BNC2: variants seen among roughly 807,000 people sequenced by gnomAD.
BNC2 encodes basonuclin zinc finger protein 2, also known as zinc finger protein basonuclin-2.
BNC2 carries 20 observed loss-of-function variants against 76.3 expected under a neutral mutation model. That is an observed-to-expected ratio of 0.26 (90% CI 0.18 to 0.38). The LOEUF is 0.38. Ranked by LOEUF, BNC2 falls within the 10% of genes least tolerant of loss-of-function variation. The probability of loss-of-function intolerance (pLI) is 1.00; values close to 1 mark genes in which losing one functional copy is unlikely to be tolerated. For synonymous variants in BNC2, 582 were observed against 514.8 expected (o/e 1.13, Z -1.77); for missense variants, 1,382 against 1,399.8 (o/e 0.99, Z 0.20).
At position 16,506,714 on chromosome 9, in the gene BNC2, C is replaced by T. The variant is rs146939763; in HGVS notation, c.669+45816G>A. On this transcript the variant is annotated intron_variant, in intron 5 of 6. Transcript: ENST00000380672. ...CTAATTTTTGTATTTTTAGTTGAGA[C>T]GGGGTTTCACCATGTTGGCCAGGCT... is the stretch of plus-strand genomic sequence containing the variant. Among the ~76,000 whole-genome samples, 23 of 148,216 alleles carry T rather than the reference C, an allele frequency of 1.6e-4. No individual in the cohort carries two copies. In the East Asian group the frequency reaches 4.0e-3, roughly 26 times the overall value.
intron 1 of BNC2, among the ~76,000 whole-genome samples, chr9:16,750,229 G>A (rs1191681800): frequency 6.6e-6 from 1 of 152,196 alleles, no homozygotes; most frequent in Non-Finnish European, 1.5e-5. Context: ...AAAAAATGGT[G>A]AAGGTAGAAA....
intron 5 of BNC2, among the ~76,000 whole-genome samples, chr9:16,444,655 G>A (rs1215802543): frequency 2.0e-5 from 3 of 152,204 alleles, no homozygotes; most frequent in African/African-American, 4.8e-5. Flanking sequence ...ATGTGGGTTG[G>A]AAAGAGGTGG....
chr9:16,615,336 T>C (rs983972859), intron 3 of BNC2, among the ~76,000 whole-genome samples: 13 of 152,192 alleles, frequency 8.5e-5, no homozygotes, highest in Admixed American at 3.3e-4. Flanking sequence ...CCCCAAAATA[T>C]GGCACCTTGA....
chr9:16,527,273 G>T (rs1044010584), intron 5 of BNC2, among the ~76,000 whole-genome samples: 2 of 152,140 alleles, frequency 1.3e-5, no homozygotes, highest in Admixed American at 6.5e-5. Context: ...AACATCAGAG[G>T]ATGATGATGA....
Position 16,654,653 on chromosome 9 carries a change from C to T in BNC2, c.331-71568G>A, listed in dbSNP as rs1266883665. 2.6e-5 allele frequency among the ~76,000 whole-genome samples: 4 copies of T among 152,104 alleles called. No homozygotes were observed. In the East Asian group the frequency reaches 5.8e-4, roughly 22 times the overall value. On this transcript the variant is annotated intron_variant, in intron 3 of 6. Coordinates refer to ENST00000380672, the MANE Select transcript of BNC2 (RefSeq NM_017637.6). The stretch of plus-strand genomic sequence containing the variant: ...CAGTAAAATATTAACATATAGGTTG[C>T]TCAATTTGCTTTGGAACAATTTTAT...
Position 16,470,708 on chromosome 9 carries a change from C to T in BNC2, c.670-33184G>A, listed in dbSNP as rs116247146. On this transcript the variant is annotated intron_variant, in intron 5 of 6. Transcript: ENST00000380672. The stretch of plus-strand genomic sequence containing the variant: ...AGCAGCTTCTACATGGCGTTCTGTG[C>T]GCAGATGCACAGAAGTCAAGAATCG... Among the ~76,000 whole-genome samples, 5 of 152,306 alleles carry T rather than the reference C, an allele frequency of 3.3e-5. No individual in the cohort carries two copies. In the East Asian group the frequency reaches 5.8e-4, roughly 18 times the overall value.
intron 1 of BNC2, among the ~76,000 whole-genome samples, chr9:16,802,709 T>TC (rs1817813845): frequency 1.3e-5 from 2 of 152,188 alleles, no homozygotes; most frequent in Non-Finnish European, 2.9e-5. Context: ...GAACACACTA[T>TC]TTGAAATTCC....
intron 1 of BNC2, among the ~76,000 whole-genome samples, chr9:16,764,728 CTTAT>C (rs1424128687): frequency 1.3e-5 from 1 of 79,416 alleles, no homozygotes; most frequent in Non-Finnish European, 2.5e-5. Context: ...CATAACTTTA[CTTAT>C]TTGTCTGTTT....
intron 5 of BNC2, among the ~76,000 whole-genome samples, chr9:16,524,305 G>C (rs1242428825): frequency 6.6e-6 from 1 of 152,132 alleles, no homozygotes; most frequent in Non-Finnish European, 1.5e-5. Context: ...AGAGTGAATG[G>C]GGCTTCAGCT....
At chr9:16,676,580 G>C (rs1272703795) in intron 3 of BNC2, among the ~76,000 whole-genome samples, 2 of 152,218 alleles carry the variant, frequency 1.3e-5, no homozygotes, top group Non-Finnish European at 2.9e-5. Flanking sequence ...TTGGTATTGA[G>C]AGAGAATGCA....
intron 3 of BNC2, among the ~76,000 whole-genome samples, chr9:16,698,735 G>A (rs1386366273): frequency 1.3e-5 from 2 of 151,710 alleles, no homozygotes; most frequent in Non-Finnish European, 2.9e-5. Context: ...TTACGGACAT[G>A]GAAAGATACT....
At chr9:16,453,553 T>C (rs1927621) in intron 5 of BNC2, among the ~76,000 whole-genome samples, 82,920 of 152,070 alleles carry the variant, frequency 0.55, 26,056 homozygotes, top group African/African-American at 0.86. Flanking sequence ...GCTCATTGTT[T>C]CCATTCACTC....
chr9:16,471,993 T>G (rs148241038), intron 5 of BNC2, among the ~76,000 whole-genome samples: 1 of 152,226 alleles, frequency 6.6e-6, no homozygotes, highest in South Asian at 2.1e-4. Flanking sequence ...GCCTCTGCCA[T>G]GTAAGAAGTG....
At chr9:16,558,437 G>A (rs546591199) in intron 4 of BNC2, among the ~76,000 whole-genome samples, 6 of 152,100 alleles carry the variant, frequency 3.9e-5, no homozygotes, top group Non-Finnish European at 7.3e-5. Context: ...GAGAAGATTT[G>A]GCAGTGCTTT....
At chr9:16,507,224 C>A (rs1450127169) in intron 5 of BNC2, among the ~76,000 whole-genome samples, 1 of 150,308 alleles carries the variant, frequency 6.7e-6, no homozygotes, top group African/African-American at 2.4e-5. Context: ...TGTCTACAAG[C>A]CTTTTGAGGG....
intron 3 of BNC2, among the ~76,000 whole-genome samples, chr9:16,696,007 C>G (rs943893737): frequency 3.9e-5 from 6 of 152,162 alleles, no homozygotes; most frequent in African/African-American, 1.4e-4. Context: ...TTTCCTGAAC[C>G]CAGTCAGTTC....
intron 4 of BNC2, among the ~76,000 whole-genome samples, chr9:16,576,943 G>A (rs938549327): frequency 1.3e-5 from 2 of 152,030 alleles, no homozygotes; most frequent in African/African-American, 4.8e-5. Flanking sequence ...TCACCATGTT[G>A]GCCAGGATGG....
intron 5 of BNC2, among the ~76,000 whole-genome samples, chr9:16,509,833 G>A (rs1422441772): frequency 6.6e-6 from 1 of 152,192 alleles, no homozygotes; most frequent in African/African-American, 2.4e-5. Context: ...GAGGTTGTTT[G>A]TACATTTCTA....
chr9:16,659,265 C>A (rs951826714), intron 3 of BNC2, among the ~76,000 whole-genome samples: 3 of 152,132 alleles, frequency 2.0e-5, no homozygotes, highest in African/African-American at 7.2e-5. Flanking sequence ...TTTCATCGTG[C>A]CCTTCTGCAA....
Sources: allele counts gnomAD v4.1 joint callset (sites outside exome capture counted in the v4.1 genomes callset), GRCh38; gene constraint gnomAD v4.1.1; transcripts MANE v1.5; gene names NCBI Gene and HGNC (gene_info 2026-07-23, HGNC 2026-07-21).